PTPN4: variants seen among roughly 807,000 people sequenced by gnomAD.
PTPN4 encodes protein tyrosine phosphatase non-receptor type 4, also known as tyrosine-protein phosphatase non-receptor type 4.
PTPN4 carries 49 observed loss-of-function variants against 135.5 expected under a neutral mutation model. The ratio of observed to expected loss-of-function variants is 0.36; its 90% CI spans 0.29 to 0.46. PTPN4 has a LOEUF of 0.46. Among genes scored for constraint, PTPN4 ranks in the 20% least tolerant of loss-of-function variants. PTPN4 has a pLI of 1.00. For synonymous variants in PTPN4, 333 were observed against 369.9 expected, an observed-to-expected ratio of 0.90 and a Z score of 1.14; for missense variants, 860 against 1,101.0, an observed-to-expected ratio of 0.78 and a Z score of 3.10.
chr2:119,853,703 C>T (rs1303148194), intron 2 of PTPN4, among the ~76,000 whole-genome samples: 1 of 152,126 alleles, frequency 6.6e-6, no homozygotes, highest in African/African-American at 2.4e-5. Flanking sequence ...AGCCTTTAAA[C>T]ATTTATTCTT....
intron 11 of PTPN4, among the ~76,000 whole-genome samples, chr2:119,917,574 A>C (rs1678672131): frequency 6.6e-6 from 1 of 152,066 alleles, no homozygotes; most frequent in South Asian, 2.1e-4. Flanking sequence ...TCTCTACTAA[A>C]ATACAAAAAA....
At chr2:119,909,722 G>A (rs1258011866) in intron 10 of PTPN4, among the ~76,000 whole-genome samples, 1 of 152,174 alleles carries the variant, frequency 6.6e-6, no homozygotes, top group East Asian at 1.9e-4. Flanking sequence ...ATGCCATTGA[G>A]AACATTCATG....
At chr2:119,963,165 G>A (rs1426678337) in intron 24 of PTPN4, among the ~76,000 whole-genome samples, 3 of 152,252 alleles carry the variant, frequency 2.0e-5, no homozygotes, top group East Asian at 1.9e-4. Context: ...GTAGAGGAGA[G>A]CAACTTCACA....
chr2:119,761,349 AT>A (rs1429508626), intron 1 of PTPN4, among the ~76,000 whole-genome samples: 1 of 152,022 alleles, frequency 6.6e-6, no homozygotes, highest in African/African-American at 2.4e-5. Flanking sequence ...GAGGAAAAAA[AT>A]TTTTTTTCAA....
Position 119,835,223 on chromosome 2 carries a change from C to T in PTPN4, c.138+25232C>T, listed in dbSNP as rs149412445. Reference sequence around the variant, plus strand: ...TTTTTGAGACAGAGTCTCACTCTGTCGCTCAGGCTGGAGTGCAGTGGCACA... The same window carrying T: ...TTTTTGAGACAGAGTCTCACTCTGTTGCTCAGGCTGGAGTGCAGTGGCACA... On this transcript the variant is annotated intron_variant, in intron 2 of 26. Coordinates refer to ENST00000263708, the MANE Select transcript of PTPN4 (RefSeq NM_002830.4). Among the ~76,000 whole-genome samples the T allele has an allele frequency of 5.3e-3, 811 of 152,206 alleles. 8 individuals are homozygous for T. The highest frequency in any genetic ancestry group is 0.018 in the African/African-American group (765 of 41,528).
chr2:119,854,967 A>G (rs1404331871), intron 2 of PTPN4, among the ~76,000 whole-genome samples: 1 of 152,118 alleles, frequency 6.6e-6, no homozygotes, highest in Admixed American at 6.5e-5. Flanking sequence ...AGGCCTGTCT[A>G]TTTTGTGCTA....
At chr2:119,824,119 C>T (rs1028870390) in intron 2 of PTPN4, among the ~76,000 whole-genome samples, 3 of 152,092 alleles carry the variant, frequency 2.0e-5, no homozygotes, top group Admixed American at 1.3e-4. Context: ...ATATATCTTT[C>T]GCTTAATGAT....
chr2:119,778,502 A>G (rs1690879153), intron 1 of PTPN4, among the ~76,000 whole-genome samples: 1 of 152,192 alleles, frequency 6.6e-6, no homozygotes, highest in Admixed American at 6.5e-5. Context: ...TCACATACTT[A>G]CGTGAATAAA....
chr2:119,984,230 T>C lies in PTPN4; in HGVS notation c.*7160T>C, dbSNP rs188747858. On this transcript the variant is annotated 3_prime_UTR_variant, in exon 27 of 27. Transcript: ENST00000263708. ...CCGATAATTTACTATATCTGCATTA[T>C]TGATATTTTTAAGTAGTAGTTTTAA... Among the ~76,000 whole-genome samples the C allele has an allele frequency of 2.0e-5, 3 of 152,340 alleles. No homozygotes were observed. In the East Asian group the frequency reaches 5.8e-4, roughly 29 times the overall value.
rs542281781 is a variant in PTPN4 at position 119,835,686 on chromosome 2, A to G, written c.138+25695A>G. Among the ~76,000 whole-genome samples, 399 of 152,232 alleles carry G rather than the reference A, an allele frequency of 2.6e-3. 2 individuals carry two copies. The highest frequency in any genetic ancestry group is 4.2e-3 in the Non-Finnish European group (283 of 67,998). On this transcript the variant is annotated intron_variant, in intron 2 of 26. Coordinates refer to ENST00000263708, the MANE Select transcript of PTPN4 (RefSeq NM_002830.4). ...CTGGTTCTTACAGACTTTCTTTCTTACTGACCTGCCCAACCTATTAAATAA... is the reference window on the plus strand; with the variant it reads ...CTGGTTCTTACAGACTTTCTTTCTTGCTGACCTGCCCAACCTATTAAATAA...
Position 119,802,186 on chromosome 2 carries a change from C to T in PTPN4, c.-17-7651C>T, listed in dbSNP as rs777519980. On this transcript the variant is annotated intron_variant, in intron 1 of 26. Transcript: ENST00000263708. Reference sequence around the variant, plus strand: ...CCAAAGTGCTGGGATTACCGGCCACCGTGCCCGGCGCTCCTCCTTTTTTTA... The same window carrying T: ...CCAAAGTGCTGGGATTACCGGCCACTGTGCCCGGCGCTCCTCCTTTTTTTA... Among the ~76,000 whole-genome samples the T allele has an allele frequency of 3.3e-5, 5 of 152,124 alleles. No homozygotes were observed. The East Asian group carries it at 5.8e-4, about 18-fold the overall frequency.
Position 119,847,578 on chromosome 2 carries a change from G to A in PTPN4, c.139-14958G>A, listed in dbSNP as rs544413997. Among the ~76,000 whole-genome samples, 31 of 152,004 alleles carry A rather than the reference G, an allele frequency of 2.0e-4. No homozygotes were observed. The South Asian group carries it at 2.7e-3, about 13-fold the overall frequency. ...CTGACCTCAGGTGATCCGCCGCCTC[G>A]GCCTCCCAAAGTGCTAGGATTACAG... On this transcript the variant is annotated intron_variant, in intron 2 of 26. Transcript: ENST00000263708.
At chr2:119,889,838 G>T (rs539521353) in intron 9 of PTPN4, among the ~76,000 whole-genome samples, 2 of 152,216 alleles carry the variant, frequency 1.3e-5, no homozygotes, top group East Asian at 3.9e-4. Context: ...TTGTTTCAAA[G>T]AATTTTTTTA....
intron 14 of PTPN4, among the ~76,000 whole-genome samples, chr2:119,933,923 G>C (rs1039004562): frequency 6.6e-6 from 1 of 152,086 alleles, no homozygotes; most frequent in South Asian, 2.1e-4. Flanking sequence ...AGAAAATTCA[G>C]ACCTTGTTTT....
rs754380808 is a variant in PTPN4 at position 119,977,094 on chromosome 2, G to A, written c.*24G>A. 3 of 1,576,660 alleles carry A rather than the reference G, an allele frequency of 1.9e-6. No homozygotes were observed. Among genetic ancestry groups the A allele is most frequent in the Non-Finnish European group, 2.6e-6 (3 of 1,167,460 alleles). ...AAGAAAGCAAAAAGATCTGGGATAT[G>A]TGTTGGAAAACTGCTTTCCCTTATG... On this transcript the variant is annotated 3_prime_UTR_variant, in exon 27 of 27. Transcript: ENST00000263708.
rs565675936 is a variant in PTPN4 at position 119,922,431 on chromosome 2, TAAG to T, written c.1001+2193_1001+2195del. Among the ~76,000 whole-genome samples the T allele has an allele frequency of 3.6e-3, 555 of 152,322 alleles. 2 individuals are homozygous for T. The highest frequency in any genetic ancestry group is 5.8e-3 in the Admixed American group (88 of 15,300). The stretch of plus-strand genomic sequence containing the variant: ...GCTTTATTGAAGTATAATTGACACA[TAAG>T]AAATGATCATATTCAAACTTTAAAA... On this transcript the variant is annotated intron_variant, in intron 12 of 26. Transcript: ENST00000263708.
chr2:119,967,167 C>T (rs995246367), intron 25 of PTPN4, among the ~76,000 whole-genome samples: 61 of 152,108 alleles, frequency 4.0e-4, no homozygotes, highest in African/African-American at 1.3e-3. Flanking sequence ...AAAATCAGAC[C>T]GGGAGCGGTG....
intron 20 of PTPN4, among the ~76,000 whole-genome samples, chr2:119,956,159 A>G (rs1319241849): frequency 6.6e-6 from 1 of 151,356 alleles, no homozygotes; most frequent in East Asian, 1.9e-4. Context: ...GTGCATTTTG[A>G]CCCACGATCA....
At chr2:119,868,840 G>A (rs1301973605) in intron 3 of PTPN4, among the ~76,000 whole-genome samples, 4 of 152,070 alleles carry the variant, frequency 2.6e-5, no homozygotes, top group South Asian at 4.2e-4. Flanking sequence ...TCTGTTCGAG[G>A]CTCTCAGCTC....
Sources: allele counts gnomAD v4.1 joint callset (sites outside exome capture counted in the v4.1 genomes callset), GRCh38; gene constraint gnomAD v4.1.1; transcripts MANE v1.5; gene names NCBI Gene and HGNC (gene_info 2026-07-23, HGNC 2026-07-21).